Variants in ACOXL observed in about 807,000 individuals in gnomAD.
The protein encoded by ACOXL is acyl-CoA oxidase like, also known as acyl-coenzyme A oxidase-like protein.
In ACOXL, 70 loss-of-function variants were observed where a neutral mutation model predicts 71.9. The observed-to-expected ratio is 0.97, with a 90% CI of 0.80 to 1.19. The LOEUF (loss-of-function observed/expected upper bound fraction) is 1.19. ACOXL is among the 50% of genes most tolerant of loss of function. The pLI, the probability that ACOXL is intolerant of heterozygous loss-of-function variation, is 0.00. For synonymous variants in ACOXL, 253 were observed against 281.6 expected (o/e 0.90, Z 1.02); for missense variants, 703 against 736.3 (o/e 0.95, Z 0.52).
intron 17 of ACOXL, chr2:111,099,704 A>G (rs2069014618): frequency 6.6e-6 from 1 of 152,192 alleles, no homozygotes; most frequent in South Asian, 2.1e-4. Flanking sequence ...TTCTTGGAAA[A>G]TTTAGTGTCC....
At chr2:110,736,559 C>G (rs1676866395) in intron 1 of ACOXL, among the ~76,000 whole-genome samples, 1 of 152,048 alleles carries the variant, frequency 6.6e-6, no homozygotes, top group Non-Finnish European at 1.5e-5. Flanking sequence ...TGTCAAAATT[C>G]CCTCCTTTTT....
In ACOXL at chr2:110,968,778, C is replaced by CAA. The variant is rs35801632; in HGVS notation, c.1060-18316_1060-18315dup. The CAA allele has an allele frequency of 1.0e-2, 2,168 of 216,926 alleles. 6 individuals are homozygous for CAA. The highest frequency in any genetic ancestry group is 0.048 in the East Asian group (600 of 12,380). The allele number at this position is 216,926 out of a possible 1,614,324, so 13.4% of individuals were successfully genotyped here. On this transcript the variant is annotated intron_variant, in intron 12 of 17. Transcript: ENST00000439055. ...ATAAAGACAATAAACTTATGGACAG[C>CAA]AAAAAAAAAAAAAAAGAACTGAAAA...
At chr2:110,768,513 T>TGTGTGTGAGAGA in intron 2 of ACOXL, 49 bp downstream of exon 2, 72 of 928,372 alleles carry the variant, frequency 7.8e-5, no homozygotes, top group South Asian at 3.5e-4. Flanking sequence ...TGTGTGTGTG[T>TGTGTGTGAGAGA]GAGAGAGAGA....
At chr2:110,914,452 C>G (rs1194752951) in intron 11 of ACOXL, among the ~76,000 whole-genome samples, 12 of 152,050 alleles carry the variant, frequency 7.9e-5, no homozygotes, top group African/African-American at 2.4e-4. Context: ...TAAATGTAGT[C>G]AAAAGGCATT....
chr2:110,945,932 T>C (rs1343385853), intron 12 of ACOXL, among the ~76,000 whole-genome samples: 2 of 152,200 alleles, frequency 1.3e-5, no homozygotes, highest in East Asian at 3.8e-4. Context: ...GTAAATTGCT[T>C]TGGGTAATAT....
chr2:111,107,787 CT>C (rs1282288560), intron 17 of ACOXL, among the ~76,000 whole-genome samples: 2 of 152,218 alleles, frequency 1.3e-5, no homozygotes, highest in Non-Finnish European at 2.9e-5. Context: ...CACGCCCGGC[CT>C]TTGACTACAG....
At chr2:110,956,612 A>T (rs1380829383) in intron 12 of ACOXL, among the ~76,000 whole-genome samples, 1 of 152,172 alleles carries the variant, frequency 6.6e-6, no homozygotes, top group Middle Eastern at 3.2e-3. Context: ...ACAGGCATAA[A>T]GTTAGTGCCA....
chr2:110,749,685 G>A (rs1249359074), intron 1 of ACOXL, among the ~76,000 whole-genome samples: 3 of 152,202 alleles, frequency 2.0e-5, no homozygotes, highest in Non-Finnish European at 4.4e-5. Context: ...CCGAGATCGC[G>A]CCACTGCACT....
At chr2:111,101,513 A>G (rs1187611258) in intron 17 of ACOXL, among the ~76,000 whole-genome samples, 2 of 152,170 alleles carry the variant, frequency 1.3e-5, no homozygotes, top group African/African-American at 4.8e-5. Flanking sequence ...ACACATTCAG[A>G]CGCTAGAATT....
At chr2:111,108,731 G>C (rs1343638384) in intron 17 of ACOXL, among the ~76,000 whole-genome samples, 4 of 152,156 alleles carry the variant, frequency 2.6e-5, no homozygotes, top group Non-Finnish European at 5.9e-5. Context: ...ATAGCAGACT[G>C]TATAATGCAG....
intron 10 of ACOXL, among the ~76,000 whole-genome samples, chr2:110,871,356 A>G (rs911338617): frequency 6.6e-5 from 10 of 152,248 alleles, no homozygotes; most frequent in Middle Eastern, 6.8e-3. Flanking sequence ...GACCTTGCTG[A>G]TACTCCACTT....
At chr2:110,969,249 C>T (rs2062071160) in intron 12 of ACOXL, among the ~76,000 whole-genome samples, 1 of 151,914 alleles carries the variant, frequency 6.6e-6, no homozygotes, top group Non-Finnish European at 1.5e-5. Context: ...CACCTAAATC[C>T]CTACCTCAAG....
intron 12 of ACOXL, chr2:110,968,452 T>A: frequency 6.6e-6 from 8 of 1,203,628 alleles, no homozygotes; most frequent in Non-Finnish European, 9.7e-6. Flanking sequence ...TGTTGCAGAT[T>A]ACCTGTGCTA....
At chr2:110,786,097 CAG>C (rs1285906086) in intron 3 of ACOXL, among the ~76,000 whole-genome samples, 1 of 152,224 alleles carries the variant, frequency 6.6e-6, no homozygotes, top group Non-Finnish European at 1.5e-5. Context: ...AGCCTTCCAG[CAG>C]AGAGTCCTTC....
At chr2:110,806,828 C>T (rs550093719) in intron 9 of ACOXL, among the ~76,000 whole-genome samples, 2 of 152,082 alleles carry the variant, frequency 1.3e-5, no homozygotes, top group Non-Finnish European at 2.9e-5. Context: ...ACGTCCATGC[C>T]GCCAGCAGCC....
intron 15 of ACOXL, among the ~76,000 whole-genome samples, chr2:111,042,427 G>T (rs1324486084): frequency 6.6e-6 from 1 of 152,230 alleles, no homozygotes; most frequent in Non-Finnish European, 1.5e-5. Context: ...AGGCTCCCAC[G>T]TGGTGTCACA....
intron 11 of ACOXL, among the ~76,000 whole-genome samples, chr2:110,919,296 T>C (rs2059977510): frequency 6.7e-6 from 1 of 149,074 alleles, no homozygotes; most frequent in African/African-American, 2.5e-5. Flanking sequence ...CTCAGCAAAC[T>C]AACACAGGAA....
chr2:110,963,319 T>TAA lies in ACOXL; in HGVS notation c.1060-23780_1060-23779dup, dbSNP rs61659448. Among the ~76,000 whole-genome samples, 271 of 149,590 alleles carry TAA rather than the reference T, an allele frequency of 1.8e-3. 1 individual carries two copies. Among genetic ancestry groups the TAA allele is most frequent in the African/African-American group, 6.3e-3 (258 of 40,772 alleles). On this transcript the variant is annotated intron_variant, in intron 12 of 17. Transcript: ENST00000439055. The stretch of plus-strand genomic sequence containing the variant: ...TTTATTAGAATTTTGAAGAACGAGG[T>TAA]AAAAAAAAAATCAGTCCACTTTATT...
chr2:110,884,889 G>A (rs887284699), intron 10 of ACOXL, among the ~76,000 whole-genome samples: 1 of 151,956 alleles, frequency 6.6e-6, no homozygotes, highest in Admixed American at 6.6e-5. Flanking sequence ...TTGGCCACGA[G>A]ATACAGCAAC....
Sources: allele counts gnomAD v4.1 joint callset (sites outside exome capture counted in the v4.1 genomes callset), GRCh38; gene constraint gnomAD v4.1.1; transcripts MANE v1.5; gene names NCBI Gene and HGNC (gene_info 2026-07-23, HGNC 2026-07-21).